Variants in ATP8A2 observed in about 807,000 individuals in gnomAD.
ATP8A2 encodes the protein phospholipid-transporting ATPase IB.
In ATP8A2, 100 loss-of-function variants were observed where a neutral mutation model predicts 165.6. The observed-to-expected ratio is 0.60, with a 90% CI of 0.51 to 0.71. The LOEUF is 0.71. Among genes scored for constraint, ATP8A2 ranks in the 30% least tolerant of loss-of-function variants. The probability of loss-of-function intolerance (pLI) is 0.00; values close to 1 mark genes in which losing one functional copy is unlikely to be tolerated. For synonymous variants in ATP8A2, 543 were observed against 548.8 expected, an observed-to-expected ratio of 0.99 and a Z score of 0.15; for missense variants, 1,227 against 1,479.5, an observed-to-expected ratio of 0.83 and a Z score of 2.80.
At chr13:26,004,510 G>C (rs1034760399) in intron 35 of ATP8A2, among the ~76,000 whole-genome samples, 1 of 152,026 alleles carries the variant, frequency 6.6e-6, no homozygotes, top group South Asian at 2.1e-4. Context: ...TTACCCTCTT[G>C]CCTAATGGCT....
At chr13:25,947,952 G>A (rs1017803367) in intron 33 of ATP8A2, among the ~76,000 whole-genome samples, 3 of 152,092 alleles carry the variant, frequency 2.0e-5, no homozygotes, top group African/African-American at 7.2e-5. Context: ...GCCTGATGAG[G>A]GGACGTTCAC....
At chr13:25,570,651 C>A in intron 16 of ATP8A2, 116 bp from the exon 17 acceptor site, 2 of 806,100 alleles carry the variant, frequency 2.5e-6, no homozygotes, top group Non-Finnish European at 4.1e-6. Flanking sequence ...AGGACCTCTA[C>A]CCTGTCCTAC....
At chr13:25,599,327 C>T (rs2040321051) in intron 24 of ATP8A2, among the ~76,000 whole-genome samples, 1 of 152,160 alleles carries the variant, frequency 6.6e-6, no homozygotes, top group Admixed American at 6.6e-5. Context: ...GGTTCCTCTT[C>T]CCTGAATCAC....
chr13:25,396,908 T>G (rs937310920), intron 1 of ATP8A2, among the ~76,000 whole-genome samples: 21 of 152,146 alleles, frequency 1.4e-4, no homozygotes, highest in African/African-American at 4.8e-4. Flanking sequence ...CAAAGCAGCT[T>G]TATTACTCAC....
intron 35 of ATP8A2, among the ~76,000 whole-genome samples, chr13:25,980,664 C>T (rs566934220): frequency 2.5e-4 from 38 of 152,190 alleles, no homozygotes; most frequent in African/African-American, 8.7e-4. Flanking sequence ...TGTGTGATTA[C>T]CATACTACTT....
chr13:25,867,723 G>T (rs1007392248), intron 33 of ATP8A2, among the ~76,000 whole-genome samples: 1 of 152,106 alleles, frequency 6.6e-6, no homozygotes, highest in African/African-American at 2.4e-5. Flanking sequence ...ACTTGCTGGG[G>T]GCTTCCAGGA....
At chr13:25,960,351 C>T (rs1037337224) in intron 33 of ATP8A2, among the ~76,000 whole-genome samples, 3 of 152,166 alleles carry the variant, frequency 2.0e-5, no homozygotes, top group Non-Finnish European at 4.4e-5. Context: ...ATAAAGGGAG[C>T]TACTCCAGGC....
chr13:25,533,235 A>G (rs781004254), intron 5 of ATP8A2, 38 bp from the exon 6 acceptor site: 1 of 1,083,968 alleles, frequency 9.2e-7, no homozygotes. Flanking sequence ...TCAATTTAAC[A>G]CCAGTATTAA....
At chr13:25,511,132 G>A (rs986377458) in intron 2 of ATP8A2, among the ~76,000 whole-genome samples, 2 of 152,138 alleles carry the variant, frequency 1.3e-5, no homozygotes, top group African/African-American at 4.8e-5. Context: ...GCAGATTTCA[G>A]TTAATTACCT....
chr13:25,755,011 T>C (rs1179197647), intron 25 of ATP8A2, among the ~76,000 whole-genome samples: 1 of 152,212 alleles, frequency 6.6e-6, no homozygotes, highest in African/African-American at 2.4e-5. Flanking sequence ...TTTTTTGTTG[T>C]TGTTGGAGGT....
chr13:25,966,956 A>G (rs1213512275), intron 34 of ATP8A2, among the ~76,000 whole-genome samples: 2 of 152,152 alleles, frequency 1.3e-5, no homozygotes, highest in East Asian at 3.9e-4. Flanking sequence ...TCCTGGAAGA[A>G]CCAGCGATGC....
intron 24 of ATP8A2, among the ~76,000 whole-genome samples, chr13:25,596,615 G>A (rs575084569): frequency 3.3e-5 from 5 of 151,768 alleles, no homozygotes; most frequent in Non-Finnish European, 7.4e-5. Flanking sequence ...TCCTTTTTTC[G>A]CTGGGTATTT....
At chr13:26,005,205 A>G (rs2139334125) in intron 35 of ATP8A2, among the ~76,000 whole-genome samples, 1 of 152,020 alleles carries the variant, frequency 6.6e-6, no homozygotes, top group East Asian at 1.9e-4. Context: ...GGAACTTAAC[A>G]TTTCTTCTAG....
intron 27 of ATP8A2, among the ~76,000 whole-genome samples, chr13:25,800,991 C>A (rs1950611432): frequency 6.6e-6 from 1 of 152,142 alleles, no homozygotes; most frequent in South Asian, 2.1e-4. Flanking sequence ...AGGATGCTTC[C>A]AGGCAGCCGT....
At chr13:25,886,587 T>G in intron 33 of ATP8A2, among the ~76,000 whole-genome samples, 1 of 152,236 alleles carries the variant, frequency 6.6e-6, no homozygotes, top group East Asian at 1.9e-4. Flanking sequence ...CCATGTGCGC[T>G]GGATGCCGAC....
At chr13:25,896,117 G>A (rs1419965022) in intron 33 of ATP8A2, among the ~76,000 whole-genome samples, 1 of 152,044 alleles carries the variant, frequency 6.6e-6, no homozygotes, top group Non-Finnish European at 1.5e-5. Context: ...TCTTTTAATT[G>A]TAATGTTAGG....
intron 35 of ATP8A2, among the ~76,000 whole-genome samples, chr13:26,010,943 CAAA>C (rs1159147414): frequency 1.3e-5 from 2 of 152,144 alleles, no homozygotes; most frequent in Non-Finnish European, 2.9e-5. Flanking sequence ...AACTTCAGCT[CAAA>C]GAACTGTGAA....
At chr13:25,480,044 C>G (rs1328448688) in intron 2 of ATP8A2, among the ~76,000 whole-genome samples, 4 of 152,160 alleles carry the variant, frequency 2.6e-5, no homozygotes, top group African/African-American at 9.7e-5. Flanking sequence ...GGCAGAGGGG[C>G]TCCTCACTTC....
intron 35 of ATP8A2, among the ~76,000 whole-genome samples, chr13:25,984,644 CAAAA>C (rs1219125210): frequency 6.7e-6 from 1 of 149,166 alleles, no homozygotes; most frequent in Admixed American, 6.7e-5. Flanking sequence ...CGAAACAAAA[CAAAA>C]AAACAAAGAG....
Sources: gnomAD v4.1 joint callset for allele counts (sites outside exome capture counted in the v4.1 genomes callset) on GRCh38, gnomAD v4.1.1 for gene constraint, MANE v1.5 for transcripts, NCBI Gene and HGNC (gene_info 2026-07-23, HGNC 2026-07-21) for gene names.